ZNF507: variants seen among roughly 807,000 people sequenced by gnomAD.
ZNF507 encodes zinc finger protein 507.
ZNF507 carries 29 observed loss-of-function variants against 80.0 expected under a neutral mutation model. The observed-to-expected ratio is 0.36, with a 90% CI of 0.27 to 0.49. The LOEUF (loss-of-function observed/expected upper bound fraction) is 0.49, where lower values mean the gene tolerates loss of function less well. ZNF507 is among the 20% of genes least tolerant of loss of function. The pLI is 0.98. For missense variants in ZNF507, 1,081 were observed against 1,152.2 expected, an observed-to-expected ratio of 0.94 and a Z score of 0.90; for synonymous variants, 462 against 422.5, an observed-to-expected ratio of 1.09 and a Z score of -1.15.
At chr19:32,350,384 C>G (rs1967147359) in intron 2 of ZNF507, among the ~76,000 whole-genome samples, 1 of 152,192 alleles carries the variant, frequency 6.6e-6, no homozygotes, top group Non-Finnish European at 1.5e-5. Context: ...GAGATACTTA[C>G]ATAAATGTTC....
intron 4 of ZNF507, chr19:32,356,935 G>T (rs573985718): frequency 3.7e-6 from 2 of 544,248 alleles, no homozygotes; most frequent in South Asian, 4.5e-5. Flanking sequence ...TCCTAGGTGA[G>T]AAGCCCTAGA....
At chr19:32,351,921 A>G (rs1967174052) in intron 2 of ZNF507, among the ~76,000 whole-genome samples, 1 of 152,202 alleles carries the variant, frequency 6.6e-6, no homozygotes, top group Admixed American at 6.5e-5. Flanking sequence ...AGAAAGATTT[A>G]TGGGTATTTT....
chr19:32,350,080 A>G (rs1967142443), intron 2 of ZNF507, among the ~76,000 whole-genome samples: 1 of 151,862 alleles, frequency 6.6e-6, no homozygotes, highest in South Asian at 2.1e-4. Context: ...TTGACACACA[A>G]TCTCATATAT....
At chr19:32,382,284 C>G in intron 5 of ZNF507, 183 bp from the exon 6 acceptor site, 1 of 609,860 alleles carries the variant, frequency 1.6e-6, no homozygotes, top group Non-Finnish European at 2.7e-6. Flanking sequence ...CTAGGACTTC[C>G]ATTCTAGGAC....
chr19:32,373,392 T>C (rs1385574634), intron 5 of ZNF507, among the ~76,000 whole-genome samples: 1 of 152,240 alleles, frequency 6.6e-6, no homozygotes, highest in Non-Finnish European at 1.5e-5. Flanking sequence ...CACACTGTAA[T>C]TTAAAACTTA....
At chr19:32,368,288 T>C (rs1213837796) in intron 5 of ZNF507, among the ~76,000 whole-genome samples, 2 of 152,204 alleles carry the variant, frequency 1.3e-5, no homozygotes, top group Non-Finnish European at 2.9e-5. Context: ...CAGGGAAGGC[T>C]TGAAGGCTGG....
rs1443489077 is a variant in ZNF507 at position 32,386,462 on chromosome 19, TCATGAA to T, written c.*3386_*3391del. On this transcript the variant is annotated 3_prime_UTR_variant, in exon 7 of 7. Coordinates refer to ENST00000355898, the MANE Select transcript of ZNF507 (RefSeq NM_001136156.2). Reference sequence around the variant, plus strand: ...TTTAATAGAAATTTGCGTTTGATATTCATGAACATGAATACATGTATTTTTTTAAGA... The same window carrying T: ...TTTAATAGAAATTTGCGTTTGATATTCATGAATACATGTATTTTTTTAAGA... 2.0e-5 allele frequency: 3 copies of T among 152,642 alleles called. No individual in the cohort carries two copies. Among genetic ancestry groups the T allele is most frequent in the Non-Finnish European group, 2.9e-5 (2 of 68,042 alleles). 9.5% of individuals were successfully genotyped at this position (152,642 alleles called of 1,614,324 possible). A position where few individuals can be genotyped will look rare whatever the true frequency, so the allele number is the denominator to read the frequency against.
In ZNF507 at chr19:32,375,937, G is replaced by A. The variant is rs577669383; in HGVS notation, c.2361-6530G>A. Reference sequence around the variant, plus strand: ...CCTAAAAGAATGAGCACATGCTGGTGCACAAATTAAAGTTTATAAACTGTG... The same window carrying A: ...CCTAAAAGAATGAGCACATGCTGGTACACAAATTAAAGTTTATAAACTGTG... On this transcript the variant is annotated intron_variant, in intron 5 of 6. Coordinates refer to ENST00000355898, the MANE Select transcript of ZNF507 (RefSeq NM_001136156.2). Among the ~76,000 whole-genome samples, 3 of 152,252 alleles carry A rather than the reference G, an allele frequency of 2.0e-5. No homozygotes were observed. The East Asian group carries it at 5.8e-4, about 29-fold the overall frequency.
chr19:32,356,883 T>A, intron 4 of ZNF507, 150 bp downstream of exon 4: 1 of 648,652 alleles, frequency 1.5e-6, no homozygotes, highest in Non-Finnish European at 2.8e-6. Flanking sequence ...TCTCTGTTTC[T>A]GAGGAAATGC....
At chr19:32,363,417 G>C (rs1008216464) in intron 5 of ZNF507, among the ~76,000 whole-genome samples, 2 of 152,124 alleles carry the variant, frequency 1.3e-5, no homozygotes, top group Admixed American at 6.5e-5. Flanking sequence ...CCTTTCTCGT[G>C]CTTTTGCTTT....
intron 2 of ZNF507, among the ~76,000 whole-genome samples, chr19:32,351,471 G>GTGTGTGTGT (rs56408758): frequency 1.3e-4 from 16 of 123,328 alleles, no homozygotes; most frequent in South Asian, 2.9e-4. Context: ...GTGTGTGTGT[G>GTGTGTGTGT]GCGTGGGGGG....
At position 32,345,617 on chromosome 19, in the gene ZNF507, C is replaced by G. The variant is rs1405726682; in HGVS notation, c.-263C>G. 6.6e-6 allele frequency: 1 copy of G among 152,420 alleles called. No individual in the cohort carries two copies. The highest frequency in any genetic ancestry group is 1.5e-5 in the Non-Finnish European group (1 of 68,218). The allele number at this position is 152,420 out of a possible 1,614,324, so 9.4% of individuals were successfully genotyped here. A position where few individuals can be genotyped will look rare whatever the true frequency, so the allele number is the denominator to read the frequency against. On this transcript the variant is annotated 5_prime_UTR_variant, in exon 1 of 7. The change creates a new upstream start codon in the 5' untranslated region. Transcript: ENST00000355898. ...CTGACCCACCCGCGGCTCACGTGAT[C>G]CGTCCCCAGCGCCGCCATTTTGGAG...
At chr19:32,348,909 C>A (rs1967128198) in intron 2 of ZNF507, among the ~76,000 whole-genome samples, 1 of 152,134 alleles carries the variant, frequency 6.6e-6, no homozygotes, top group Admixed American at 6.5e-5. Context: ...ACCCTTGTGT[C>A]AACTTGTATC....
chr19:32,371,131 A>G (rs773653840), intron 5 of ZNF507, among the ~76,000 whole-genome samples: 1 of 152,088 alleles, frequency 6.6e-6, no homozygotes. Flanking sequence ...CATATTTTCT[A>G]TCATTTCTCC....
chr19:32,374,529 A>G (rs76907807), intron 5 of ZNF507, among the ~76,000 whole-genome samples: 15,193 of 147,302 alleles, frequency 0.1, 813 homozygotes, highest in Middle Eastern at 0.13. Context: ...GCTGAAGTGC[A>G]GTGGTGCAGT....
intron 5 of ZNF507, among the ~76,000 whole-genome samples, chr19:32,377,169 C>T (rs1482363055): frequency 6.6e-6 from 1 of 152,066 alleles, no homozygotes; most frequent in Non-Finnish European, 1.5e-5. Context: ...CTAAACTCTC[C>T]TGGGGAAAGG....
Position 32,382,873 on chromosome 19 carries a change from C to G in ZNF507, c.2652C>G (p.Ser884Arg). ...VLGTNENEKL[S>R]PTSNTSYSLE... ...GTACCAACGAGAATGAGAAACTGAG[C>G]CCTACAAGTAATACCTCATATAGTT... Residue 884 changes from serine to arginine, a missense_variant, in exon 7 of 7, where the codon AGC becomes AGG. By Grantham distance (110) the Ser-to-Arg change is moderately radical (BLOSUM62 -1). Around this residue, in one of 6 missense-constraint regions of ZNF507, gnomAD observed 138 missense variants for 158.4 expected, o/e 0.87. Transcript: ENST00000355898. 1 of 1,614,080 alleles carries G rather than the reference C, an allele frequency of 6.2e-7. No homozygotes were observed. The highest frequency in any genetic ancestry group is 1.1e-5 in the South Asian group (1 of 91,070).
At chr19:32,381,297 G>C (rs1490812096) in intron 5 of ZNF507, among the ~76,000 whole-genome samples, 6 of 152,034 alleles carry the variant, frequency 3.9e-5, no homozygotes, top group Admixed American at 3.9e-4. Context: ...TGGATTCATG[G>C]CATTATACCT....
In ZNF507 at chr19:32,382,558, C is replaced by G; in HGVS notation, c.2452C>G (p.Gln818Glu). The change falls in exon 6 of 7, where the codon CAA becomes GAA. Residue 818 changes from glutamine (Q) to glutamate (E), a missense_variant. Coordinates refer to ENST00000355898, the MANE Select transcript of ZNF507 (RefSeq NM_001136156.2). ...AAGTGACCAAAATTACAACTACGAA[C>G]AAGTAAACAAGGCTATTAACGACGC... ...HASDQNYNYE[Q>E]VNKAINDAIS... 3.7e-6 allele frequency: 6 copies of G among 1,614,170 alleles called. No individual in the cohort carries two copies. Among genetic ancestry groups the G allele is most frequent in the Non-Finnish European group, 5.1e-6 (6 of 1,180,014 alleles).
Sources: allele counts gnomAD v4.1 joint callset (sites outside exome capture counted in the v4.1 genomes callset), GRCh38; gene constraint gnomAD v4.1.1; regional missense constraint gnomAD v4.1.1; transcripts MANE v1.5; gene names NCBI Gene and HGNC (gene_info 2026-07-23, HGNC 2026-07-21).